ATXN1: variants seen among roughly 807,000 people sequenced by gnomAD.
The protein encoded by ATXN1 is ataxin-1.
A neutral mutation model predicts 56.4 loss-of-function variants in ATXN1; 8 were observed. The ratio of observed to expected loss-of-function variants is 0.14; its 90% CI spans 0.08 to 0.26. The LOEUF (loss-of-function observed/expected upper bound fraction) is 0.26. Ranked by LOEUF, ATXN1 falls within the 10% of genes least tolerant of loss-of-function variation. The pLI is 1.00. For synonymous variants in ATXN1, 514 were observed against 494.6 expected, an observed-to-expected ratio of 1.04 and a Z score of -0.52; for missense variants, 987 against 1,106.5, an observed-to-expected ratio of 0.89 and a Z score of 1.53.
At chr6:16,704,296 GC>G (rs2113443078) in intron 2 of ATXN1, among the ~76,000 whole-genome samples, 1 of 151,998 alleles carries the variant, frequency 6.6e-6, no homozygotes, top group East Asian at 1.9e-4. Flanking sequence ...GTTTTACGGA[GC>G]AGTTCCTTAA....
At chr6:16,678,012 T>C (rs1006644924) in intron 2 of ATXN1, among the ~76,000 whole-genome samples, 23 of 152,350 alleles carry the variant, frequency 1.5e-4, no homozygotes, top group African/African-American at 4.6e-4. Context: ...CTAGCCAAAA[T>C]GTTTTTAGCA....
chr6:16,388,452 CTCCT>C (rs1758285154), intron 6 of ATXN1, among the ~76,000 whole-genome samples: 1 of 152,162 alleles, frequency 6.6e-6, no homozygotes. Flanking sequence ...CATATGGACT[CTCCT>C]AAGACCCGGG....
At chr6:16,372,313 G>A (rs893013290) in intron 6 of ATXN1, among the ~76,000 whole-genome samples, 1 of 152,150 alleles carries the variant, frequency 6.6e-6, no homozygotes, top group African/African-American at 2.4e-5. Flanking sequence ...AGAAGCCAGA[G>A]ATATGGACAG....
At chr6:16,417,991 A>G (rs1758950797) in intron 6 of ATXN1, among the ~76,000 whole-genome samples, 1 of 152,130 alleles carries the variant, frequency 6.6e-6, no homozygotes, top group South Asian at 2.1e-4. Context: ...AAAAACTATG[A>G]GAAGGAATGG....
At position 16,398,561 on chromosome 6, in the gene ATXN1, C is replaced by A. The variant is rs544813807; in HGVS notation, c.-160-70091G>T. On this transcript the variant is annotated intron_variant, in intron 6 of 7. Coordinates refer to ENST00000436367, the MANE Select transcript of ATXN1 (RefSeq NM_001128164.2). ...ACACGTATATATATGAACATGTGTGCACTCTCTATATACACATACATATGC... is the reference window on the plus strand; with the variant it reads ...ACACGTATATATATGAACATGTGTGAACTCTCTATATACACATACATATGC... Among the ~76,000 whole-genome samples the A allele has an allele frequency of 5.9e-5, 9 of 152,200 alleles. No individual in the cohort carries two copies. The South Asian group carries it at 1.9e-3, about 32-fold the overall frequency.
chr6:16,395,437 A>C (rs770225823), intron 6 of ATXN1, among the ~76,000 whole-genome samples: 1 of 152,146 alleles, frequency 6.6e-6, no homozygotes, highest in Non-Finnish European at 1.5e-5. Flanking sequence ...CGCGGATTGC[A>C]TATGTGACAG....
chr6:16,552,881 G>T (rs1761947426), intron 4 of ATXN1, among the ~76,000 whole-genome samples: 1 of 152,224 alleles, frequency 6.6e-6, no homozygotes, highest in South Asian at 2.1e-4. Context: ...GAGCAACGTG[G>T]CTGGGCCTCT....
intron 3 of ATXN1, among the ~76,000 whole-genome samples, chr6:16,607,426 A>G (rs913904232): frequency 6.6e-6 from 1 of 152,188 alleles, no homozygotes; most frequent in Non-Finnish European, 1.5e-5. Flanking sequence ...AATCAGACAC[A>G]TGTTTCATGA....
At chr6:16,314,934 A>C (rs911115517) in intron 7 of ATXN1, among the ~76,000 whole-genome samples, 2 of 152,122 alleles carry the variant, frequency 1.3e-5, no homozygotes, top group Non-Finnish European at 2.9e-5. Context: ...GAGGGTTCCT[A>C]ATGATACATT....
intron 6 of ATXN1, among the ~76,000 whole-genome samples, chr6:16,403,948 A>G (rs959574797): frequency 6.6e-6 from 1 of 152,254 alleles, no homozygotes; most frequent in African/African-American, 2.4e-5. Context: ...ATGACAATAT[A>G]GAGACACTGG....
At chr6:16,602,210 T>C (rs1471054771) in intron 3 of ATXN1, among the ~76,000 whole-genome samples, 1 of 152,082 alleles carries the variant, frequency 6.6e-6, no homozygotes, top group African/African-American at 2.4e-5. Flanking sequence ...GCCCTCTAGG[T>C]GCCTCCCCAT....
chr6:16,379,924 G>C (rs796327768), intron 6 of ATXN1, among the ~76,000 whole-genome samples: 7 of 152,262 alleles, frequency 4.6e-5, no homozygotes, highest in African/African-American at 1.7e-4. Context: ...AGGAAAACAA[G>C]AAAGAAGGAA....
intron 2 of ATXN1, among the ~76,000 whole-genome samples, chr6:16,722,459 A>C (rs541914850): frequency 2.0e-5 from 3 of 152,218 alleles, no homozygotes; most frequent in Non-Finnish European, 2.9e-5. Context: ...AGCCAAAGGA[A>C]GTGCTCACTA....
chr6:16,584,235 TATATATATACACACAC>T (rs1561766604), intron 4 of ATXN1, among the ~76,000 whole-genome samples: 2 of 128,562 alleles, frequency 1.6e-5, no homozygotes, highest in Non-Finnish European at 3.3e-5. Flanking sequence ...TATATATATA[TATATATATACACACAC>T]ACACACACAC....
At chr6:16,562,865 T>C (rs1762148517) in intron 4 of ATXN1, among the ~76,000 whole-genome samples, 1 of 151,890 alleles carries the variant, frequency 6.6e-6, no homozygotes, top group Non-Finnish European at 1.5e-5. Flanking sequence ...GCCACACCAC[T>C]AGGCACATTC....
chr6:16,440,648 A>AAAAAAAAAAAAAAAAAAAAAAAAAAAAG (rs748929817), intron 6 of ATXN1, among the ~76,000 whole-genome samples: 2 of 118,548 alleles, frequency 1.7e-5, no homozygotes, highest in African/African-American at 7.1e-5. Context: ...CTTAAAAAAA[A>AAAAAAAAAAAAAAAAAAAAAAAAAAAAG]AAAAGAAAAG....
chr6:16,311,755 T>C (rs1760396543), intron 7 of ATXN1, among the ~76,000 whole-genome samples: 1 of 152,198 alleles, frequency 6.6e-6, no homozygotes, highest in Non-Finnish European at 1.5e-5. Context: ...CAACATAAAC[T>C]GAACAGAAGG....
intron 4 of ATXN1, among the ~76,000 whole-genome samples, chr6:16,552,754 G>C (rs1434836528): frequency 6.6e-6 from 1 of 152,148 alleles, no homozygotes; most frequent in Admixed American, 6.5e-5. Flanking sequence ...TTGCCTTACG[G>C]GGGTGTATCA....
At chr6:16,684,415 T>C (rs1758875345) in intron 2 of ATXN1, among the ~76,000 whole-genome samples, 1 of 152,110 alleles carries the variant, frequency 6.6e-6, no homozygotes, top group Non-Finnish European at 1.5e-5. Context: ...AACATAAAGA[T>C]TCTCAGGTCT....
Sources: gnomAD v4.1 joint callset for allele counts (sites outside exome capture counted in the v4.1 genomes callset) on GRCh38, gnomAD v4.1.1 for gene constraint, MANE v1.5 for transcripts, NCBI Gene and HGNC (gene_info 2026-07-23, HGNC 2026-07-21) for gene names.